Variants in NKIRAS1 observed in about 807,000 individuals in gnomAD.
NKIRAS1 encodes the protein NF-kappa-B inhibitor-interacting Ras-like protein 1.
Under a neutral mutation model 19.8 loss-of-function variants are expected in NKIRAS1, and 16 were observed. The observed-to-expected ratio is 0.81, with a 90% CI of 0.55 to 1.23. The LOEUF is 1.23. Among genes scored for constraint, NKIRAS1 ranks in the 50% most tolerant of loss-of-function variants. NKIRAS1 has a pLI of 0.00. For synonymous variants in NKIRAS1, 88 were observed against 79.0 expected, an observed-to-expected ratio of 1.11 and a Z score of -0.61; for missense variants, 184 against 220.0, an observed-to-expected ratio of 0.84 and a Z score of 1.04.
At chr3:23,920,348 C>A, upstream of NKIRAS1, 1 of 985,516 alleles carries the variant, frequency 1.0e-6, no homozygotes, top group Non-Finnish European at 1.2e-6. Context: ...TCTGTCCACT[C>A]CCATAGGCTA....
chr3:23,921,583 T>TC, upstream of NKIRAS1: 9 of 678,626 alleles, frequency 1.3e-5, no homozygotes, highest in Non-Finnish European at 1.9e-5. Context: ...TTTTTTTTTT[T>TC]TTTTTTTTTT....
At chr3:23,918,974 T>C (rs997357258), upstream of NKIRAS1, 18 of 583,834 alleles carry the variant, frequency 3.1e-5, no homozygotes, top group Non-Finnish European at 4.2e-5. Flanking sequence ...AGGAATGGAG[T>C]ATTAAGAGGG....
chr3:23,900,842 T>C lies in NKIRAS1; in HGVS notation c.302A>G (p.Lys101Arg). ...GTCTTTGAACTTATCGATTTCTTTCTTCAGAAGCTCCACTCTTTGAAAGGA... is the reference window on the plus strand; with the variant it reads ...GTCTTTGAACTTATCGATTTCTTTCCTCAGAAGCTCCACTCTTTGAAAGGA... ...LESFQRVELLKKEIDKFKDKK... is the reference protein window; with the variant it reads ...LESFQRVELLRKEIDKFKDKK... The change falls in exon 4 of 5, where the codon AAG becomes AGG. Residue 101 changes from lysine (K) to arginine (R), a missense_variant. Lys to Arg is a conservative substitution (Grantham distance 26). Coordinates refer to ENST00000425478, the MANE Select transcript of NKIRAS1 (RefSeq NM_020345.4). 6.2e-7 allele frequency: 1 copy of C among 1,613,888 alleles called. No homozygotes were observed. Among genetic ancestry groups the C allele is most frequent in the Non-Finnish European group, 8.5e-7 (1 of 1,179,756 alleles).
chr3:23,911,606 A>G (rs1047329312), intron 1 of NKIRAS1, among the ~76,000 whole-genome samples, 156 bp from the exon 2 acceptor site: 10 of 152,348 alleles, frequency 6.6e-5, no homozygotes, highest in Admixed American at 2.6e-4. Context: ...CTGCCTACTC[A>G]TCAATATTTA....
chr3:23,913,275 A>G (rs1374897590), intron 1 of NKIRAS1, among the ~76,000 whole-genome samples: 1 of 152,230 alleles, frequency 6.6e-6, no homozygotes, highest in African/African-American at 2.4e-5. Flanking sequence ...ACTGAATAAA[A>G]GTAGCTCAAA....
intron 3 of NKIRAS1, among the ~76,000 whole-genome samples, chr3:23,905,795 C>CA (rs34872852): frequency 0.43 from 50,934 of 117,480 alleles, 10,023 homozygotes; most frequent in Middle Eastern, 0.61. Context: ...AAATGTGCTC[C>CA]AAAAAAAAAA....
Position 23,892,109 on chromosome 3 carries a change from T to G in NKIRAS1, c.*986A>C, listed in dbSNP as rs1363919915. ...ATGTTTTAATATGTTCTTTGTTGAA[T>G]AGCTTATTTTACATTTCAGTCAAAA... On this transcript the variant is annotated 3_prime_UTR_variant, in exon 5 of 5. Coordinates refer to ENST00000425478, the MANE Select transcript of NKIRAS1 (RefSeq NM_020345.4). 1.3e-5 allele frequency: 2 copies of G among 152,252 alleles called. No homozygotes were observed. The highest frequency in any genetic ancestry group is 2.9e-5 in the Non-Finnish European group (2 of 68,042). The allele number at this position is 152,252 out of a possible 1,614,324, so 9.4% of individuals were successfully genotyped here.
chr3:23,944,422 CTCTA>C lies in NKIRAS1; in HGVS notation c.-140+1897_-140+1900del, dbSNP rs199756070. On this transcript the variant is annotated intron_variant, in intron 1 of 4. Coordinates refer to the NKIRAS1 transcript ENST00000421515. ...ATCTTACCATATCATCTATTCATGC[CTCTA>C]TCAGCCCATCTTACTTCAGTAATGC... Among the ~76,000 whole-genome samples, 1,190 of 152,328 alleles carry C rather than the reference CTCTA, an allele frequency of 7.8e-3. 14 individuals are homozygous for C. The highest frequency in any genetic ancestry group is 0.027 in the African/African-American group (1,119 of 41,576).
At chr3:23,945,530 G>T (rs1705633997) in intron 1 of NKIRAS1, 2 of 1,122,086 alleles carry the variant, frequency 1.8e-6, no homozygotes, top group Non-Finnish European at 2.2e-6. Flanking sequence ...CGGCGGCGCT[G>T]CCCCCTCTGC....
intron 1 of NKIRAS1, among the ~76,000 whole-genome samples, chr3:23,915,484 T>C (rs1330292033): frequency 1.3e-5 from 2 of 152,228 alleles, no homozygotes; most frequent in Non-Finnish European, 2.9e-5. Context: ...ACAGGAGCAA[T>C]GGAAGACTAA....
intron 3 of NKIRAS1, 143 bp from the exon 4 acceptor site, chr3:23,901,192 T>G: frequency 2.0e-6 from 2 of 999,376 alleles, no homozygotes; most frequent in South Asian, 3.4e-5. Flanking sequence ...TTTTTTTTTT[T>G]TTTTGAAACA....
At chr3:23,905,049 A>T (rs920358600) in intron 3 of NKIRAS1, among the ~76,000 whole-genome samples, 1 of 152,096 alleles carries the variant, frequency 6.6e-6, no homozygotes, top group Admixed American at 6.6e-5. Flanking sequence ...GGCTGATCTC[A>T]AACTCTGGGG....
At chr3:23,943,507 A>C (rs1705548220) in intron 1 of NKIRAS1, among the ~76,000 whole-genome samples, 1 of 152,270 alleles carries the variant, frequency 6.6e-6, no homozygotes, top group South Asian at 2.1e-4. Flanking sequence ...CTGGGATTAC[A>C]GGCGTCAGCC....
intron 1 of NKIRAS1, among the ~76,000 whole-genome samples, chr3:23,943,715 T>TG (rs1705555275): frequency 1.3e-5 from 2 of 152,212 alleles, no homozygotes; most frequent in African/African-American, 4.8e-5. Context: ...AAGCGTGGCC[T>TG]GGGGAACTCT....
Position 23,905,429 on chromosome 3 carries a change from AAGTAT to A in NKIRAS1, c.95-4385_95-4381del, listed in dbSNP as rs547441313. 2.4e-3 allele frequency among the ~76,000 whole-genome samples: 360 copies of A among 152,290 alleles called. 1 individual carries two copies. Among genetic ancestry groups the A allele is most frequent in the Middle Eastern group, 0.017 (5 of 294 alleles). ...ATATGCAATGCTTTCAAAATTCCGA[AAGTAT>A]ATTATTTTTGACCTAGAGTTCCATA... On this transcript the variant is annotated intron_variant, in intron 3 of 4. Coordinates refer to ENST00000425478, the MANE Select transcript of NKIRAS1 (RefSeq NM_020345.4).
upstream of NKIRAS1, chr3:23,917,551 C>T (rs1704696123): frequency 3.5e-6 from 1 of 283,464 alleles, no homozygotes; most frequent in Non-Finnish European, 6.6e-6. Flanking sequence ...CCTTTCAGGT[C>T]CTCCTTGGGG....
chr3:23,898,770 C>T (rs1205226815), intron 4 of NKIRAS1, among the ~76,000 whole-genome samples: 2 of 152,008 alleles, frequency 1.3e-5, no homozygotes, highest in Admixed American at 6.6e-5. Context: ...TATCAGGGGT[C>T]CCCAACCCCT....
intron 1 of NKIRAS1, among the ~76,000 whole-genome samples, chr3:23,944,229 G>A (rs904769650): frequency 1.1e-4 from 16 of 152,218 alleles, no homozygotes; most frequent in African/African-American, 3.6e-4. Context: ...TACCAAAACA[G>A]TAAATATTGA....
intron 3 of NKIRAS1, among the ~76,000 whole-genome samples, chr3:23,905,461 C>G (rs112200587): frequency 6.6e-6 from 1 of 152,148 alleles, no homozygotes; most frequent in African/African-American, 2.4e-5. Context: ...AGTTCCATAC[C>G]CATCAAAATT....
Sources: allele counts gnomAD v4.1 joint callset (sites outside exome capture counted in the v4.1 genomes callset), GRCh38; gene constraint gnomAD v4.1.1; transcripts MANE v1.5; gene names NCBI Gene and HGNC (gene_info 2026-07-23, HGNC 2026-07-21).